RPH3AL: variants seen among roughly 807,000 people sequenced by gnomAD.
RPH3AL encodes the protein rabphilin 3A like (without C2 domains).
RPH3AL carries 38 observed loss-of-function variants against 43.1 expected under a neutral mutation model. The ratio of observed to expected loss-of-function variants is 0.88; its 90% CI spans 0.68 to 1.15. The LOEUF (loss-of-function observed/expected upper bound fraction) is 1.15, where lower values mean the gene tolerates loss of function less well. Among genes scored for constraint, RPH3AL ranks in the 50% most tolerant of loss-of-function variants. The probability of loss-of-function intolerance (pLI) is 0.00; values close to 1 mark genes in which losing one functional copy is unlikely to be tolerated. For synonymous variants in RPH3AL, 189 were observed against 176.3 expected, an observed-to-expected ratio of 1.07 and a Z score of -0.57; for missense variants, 462 against 423.2, an observed-to-expected ratio of 1.09 and a Z score of -0.81.
At chr17:331,527 C>A in intron 2 of RPH3AL, 1 of 1,232,244 alleles carries the variant, frequency 8.1e-7, no homozygotes, top group Admixed American at 2.5e-5. Context: ...GCACAGCTGT[C>A]CTTCACTCGC....
intron 7 of RPH3AL, among the ~76,000 whole-genome samples, chr17:232,829 CGTGTGTGTGT>C (rs71143481): frequency 0.079 from 9,385 of 119,216 alleles, 446 homozygotes; most frequent in African/African-American, 0.098. Flanking sequence ...TCCTTTCCGG[CGTGTGTGTGT>C]GTGTGTGTGT....
chr17:331,382 T>C, intron 2 of RPH3AL: 1 of 199,286 alleles, frequency 5.0e-6, no homozygotes, highest in South Asian at 3.4e-5. Context: ...TCATCACTGA[T>C]GGCAAGTCTG....
At chr17:285,280 G>A (rs986554186) in intron 5 of RPH3AL, among the ~76,000 whole-genome samples, 14 of 152,258 alleles carry the variant, frequency 9.2e-5, no homozygotes, top group African/African-American at 2.4e-4. Context: ...TTCAGAGGCC[G>A]CACGGCACGG....
intron 5 of RPH3AL, among the ~76,000 whole-genome samples, chr17:304,303 G>A (rs1490988220): frequency 4.0e-5 from 6 of 151,826 alleles, no homozygotes; most frequent in Non-Finnish European, 8.8e-5. Flanking sequence ...TATTATTCCC[G>A]ACTTCCAGGT....
intron 3 of RPH3AL, among the ~76,000 whole-genome samples, chr17:325,256 T>C (rs2044592815): frequency 6.6e-6 from 1 of 152,248 alleles, no homozygotes; most frequent in South Asian, 2.1e-4. Context: ...TCAGAGTTCC[T>C]GGAAGGCCTG....
At chr17:315,159 C>A (rs2043917211) in intron 5 of RPH3AL, among the ~76,000 whole-genome samples, 2 of 150,108 alleles carry the variant, frequency 1.3e-5, no homozygotes, top group African/African-American at 2.4e-5. Flanking sequence ...CCTGTAGTCC[C>A]TGTGCCCCCA....
In RPH3AL at chr17:265,993, A is replaced by G. The variant is rs183385223; in HGVS notation, c.438+15775T>C. Among the ~76,000 whole-genome samples, 955 of 152,330 alleles carry G rather than the reference A, an allele frequency of 6.3e-3. 32 individuals carry two copies. Among genetic ancestry groups the G allele is most frequent in the Admixed American group, 0.056 (854 of 15,294 alleles). ...CACAAGCAAGCGATCCAAGCCCCCA[A>G]GAGGGTCTGAGCCACACCAGGGCAG... On this transcript the variant is annotated intron_variant, in intron 6 of 9. Transcript: ENST00000331302.
chr17:314,459 G>C (rs1555518175), intron 5 of RPH3AL, among the ~76,000 whole-genome samples: 2 of 130,478 alleles, frequency 1.5e-5, no homozygotes, highest in Admixed American at 7.9e-5. Flanking sequence ...TTGACCTGTA[G>C]TCTCTATGCC....
chr17:346,926 A>T (rs1353892218), intron 1 of RPH3AL, among the ~76,000 whole-genome samples: 3 of 135,410 alleles, frequency 2.2e-5, no homozygotes, highest in African/African-American at 7.6e-5. Flanking sequence ...ACCAAATGCT[A>T]GTGAGGATGT....
At chr17:284,797 C>G (rs1340346461) in intron 5 of RPH3AL, among the ~76,000 whole-genome samples, 1 of 152,212 alleles carries the variant, frequency 6.6e-6, no homozygotes, top group Non-Finnish European at 1.5e-5. Context: ...GCTGAAACAA[C>G]AGAAGCATGT....
intron 5 of RPH3AL, among the ~76,000 whole-genome samples, chr17:315,677 C>CACTGTAACCCCACCTCCATTGG (rs2044035537): frequency 9.5e-4 from 90 of 94,978 alleles, no homozygotes; most frequent in African/African-American, 2.9e-3. Flanking sequence ...GACCTGTAGT[C>CACTGTAACCCCACCTCCATTGG]CCTGTGACCC....
At chr17:352,453 G>GA (rs2045372801) in intron 1 of RPH3AL, 2 of 151,734 alleles carry the variant, frequency 1.3e-5, no homozygotes, top group African/African-American at 4.8e-5. Context: ...CTCTTCTTTA[G>GA]AAGCAGCAGG....
chr17:272,923 A>G lies in RPH3AL; in HGVS notation c.438+8845T>C, dbSNP rs200069767. ...GCCAGTGGCGACGTGAGATCCCAGC[A>G]AGGGCGACATCAGGGAGAGACCCCA... On this transcript the variant is annotated intron_variant, in intron 6 of 9. Transcript: ENST00000331302. Among the ~76,000 whole-genome samples the G allele has an allele frequency of 1.8e-3, 253 of 142,766 alleles. 2 individuals are homozygous for G. Among genetic ancestry groups the G allele is most frequent in the African/African-American group, 6.3e-3 (230 of 36,678 alleles). The allele number at this position is 142,766 out of a possible 152,430, so 93.7% of individuals were successfully genotyped here.
chr17:319,169 C>A (rs1220890559), intron 5 of RPH3AL, among the ~76,000 whole-genome samples: 2 of 152,238 alleles, frequency 1.3e-5, no homozygotes, highest in East Asian at 3.8e-4. Flanking sequence ...CTAACACCAG[C>A]TCTGGGTCTC....
intron 1 of RPH3AL, among the ~76,000 whole-genome samples, chr17:346,712 C>T (rs2045243427): frequency 1.5e-5 from 2 of 134,680 alleles, no homozygotes; most frequent in Admixed American, 1.4e-4. Context: ...AAGTCAGAGA[C>T]AATAAATAAG....
intron 1 of RPH3AL, among the ~76,000 whole-genome samples, chr17:344,841 T>C (rs1375699376): frequency 3.7e-5 from 5 of 135,806 alleles, no homozygotes; most frequent in African/African-American, 1.3e-4. Flanking sequence ...CATCATCCTC[T>C]TCTGTATTGG....
At chr17:317,544 C>T (rs1248249450) in intron 5 of RPH3AL, among the ~76,000 whole-genome samples, 1 of 151,484 alleles carries the variant, frequency 6.6e-6, no homozygotes, top group Non-Finnish European at 1.5e-5. Context: ...GTCCCTGTGC[C>T]CCCACCTCCA....
chr17:305,577 C>G (rs1307217372), intron 5 of RPH3AL, among the ~76,000 whole-genome samples: 1 of 151,908 alleles, frequency 6.6e-6, no homozygotes, highest in Non-Finnish European at 1.5e-5. Flanking sequence ...GGTCCCAGCC[C>G]CAACATCTCA....
chr17:309,438 C>T (rs1047886694), intron 5 of RPH3AL, among the ~76,000 whole-genome samples: 35 of 73,326 alleles, frequency 4.8e-4, no homozygotes, highest in South Asian at 2.9e-3. Context: ...GCTGGGGGTC[C>T]GGGATACGGC....
Sources: allele counts gnomAD v4.1 joint callset (sites outside exome capture counted in the v4.1 genomes callset), GRCh38; gene constraint gnomAD v4.1.1; transcripts MANE v1.5; gene names NCBI Gene and HGNC (gene_info 2026-07-23, HGNC 2026-07-21).